The following FAM13B variants were observed in gnomAD, a reference collection of about 807,000 sequenced individuals.
FAM13B encodes family with sequence similarity 13 member B.
In FAM13B, 60 loss-of-function variants were observed where a neutral mutation model predicts 117.3. The ratio of observed to expected loss-of-function variants is 0.51; its 90% CI spans 0.42 to 0.63. The LOEUF (loss-of-function observed/expected upper bound fraction) is 0.63, where lower values mean the gene tolerates loss of function less well. Ranked by LOEUF, FAM13B falls within the 30% of genes least tolerant of loss-of-function variation. The pLI is 0.00. For missense variants in FAM13B, 972 were observed against 1,091.9 expected, an observed-to-expected ratio of 0.89 and a Z score of 1.55; for synonymous variants, 332 against 356.1, an observed-to-expected ratio of 0.93 and a Z score of 0.76.
In FAM13B at chr5:137,942,876, T is replaced by C. The variant is rs756883366; in HGVS notation, c.2587A>G (p.Met863Val). ...AAAATCACAAATCAGCATACATACA[T>C]AGAAGCTGCTCGAGAACTTGACAAT... Reference protein sequence around the residue: ...LRLSSSRAASMPELLEQLWKA... With the variant: ...LRLSSSRAASVPELLEQLWKA... The change falls in exon 22 of 24, where the codon ATG (methionine) becomes GTG (valine). Residue 863 changes from methionine to valine, a missense_variant and splice_region_variant. By Grantham distance (21) the Met-to-Val change is conservative. Coordinates refer to ENST00000689681, the MANE Select transcript of FAM13B (RefSeq NM_001385994.1). 4.4e-6 allele frequency: 7 copies of C among 1,603,774 alleles called. No individual in the cohort carries two copies. In the East Asian group the frequency reaches 8.9e-5, roughly 20 times the overall value.
intron 13 of FAM13B, among the ~76,000 whole-genome samples, chr5:137,958,010 G>A (rs1442921739): frequency 6.6e-6 from 1 of 152,160 alleles, no homozygotes; most frequent in East Asian, 1.9e-4. Context: ...AGGACTCCCA[G>A]GCCAAAGATC....
chr5:138,051,476 A>C (rs1185290124), intron 1 of FAM13B, among the ~76,000 whole-genome samples: 7 of 152,252 alleles, frequency 4.6e-5, no homozygotes, highest in Non-Finnish European at 1.0e-4. Context: ...ATTTTTAGCC[A>C]ATCTAATGAG....
intron 7 of FAM13B, among the ~76,000 whole-genome samples, chr5:137,994,930 A>G (rs1238923014): frequency 6.6e-6 from 1 of 152,216 alleles, no homozygotes; most frequent in African/African-American, 2.4e-5. Context: ...TAATTTCCCA[A>G]TTGTAAATAT....
At chr5:138,030,721 C>CA (rs886528054) in intron 1 of FAM13B, among the ~76,000 whole-genome samples, 2 of 142,390 alleles carry the variant, frequency 1.4e-5, no homozygotes, top group Non-Finnish European at 1.5e-5. Context: ...TCCCCCCCCC[C>CA]CAAAAAAAAA....
intron 1 of FAM13B, among the ~76,000 whole-genome samples, chr5:138,024,794 T>TAC (rs1364313823): frequency 4.4e-5 from 6 of 135,838 alleles, no homozygotes; most frequent in African/African-American, 1.7e-4. Flanking sequence ...GCAAAATTTA[T>TAC]ACACACACAC....
intron 1 of FAM13B, among the ~76,000 whole-genome samples, chr5:138,029,219 G>T (rs1789259147): frequency 6.6e-6 from 1 of 152,170 alleles, no homozygotes; most frequent in Non-Finnish European, 1.5e-5. Flanking sequence ...AGCTCAGAGA[G>T]CTGAAGAAAC....
At chr5:138,045,995 C>T (rs1449529774) in intron 1 of FAM13B, among the ~76,000 whole-genome samples, 1 of 152,058 alleles carries the variant, frequency 6.6e-6, no homozygotes, top group Non-Finnish European at 1.5e-5. Flanking sequence ...GCTGTGTCCC[C>T]ACCCAAATCT....
At chr5:137,969,364 C>T (rs1472278812) in intron 10 of FAM13B, among the ~76,000 whole-genome samples, 7 of 152,300 alleles carry the variant, frequency 4.6e-5, no homozygotes, top group East Asian at 3.9e-4. Context: ...ACACCTCACA[C>T]GGCCGGGTGC....
intron 6 of FAM13B, among the ~76,000 whole-genome samples, chr5:138,007,778 T>C (rs1317828479): frequency 6.6e-6 from 1 of 152,232 alleles, no homozygotes; most frequent in Non-Finnish European, 1.5e-5. Flanking sequence ...ACTGGCTACG[T>C]AGGTAATCAC....
At chr5:137,973,994 T>G (rs1163380085) in intron 10 of FAM13B, among the ~76,000 whole-genome samples, 1 of 139,106 alleles carries the variant, frequency 7.2e-6, no homozygotes, top group Non-Finnish European at 1.6e-5. Context: ...GGAACACTTT[T>G]ACACTGTTGG....
chr5:137,941,883 C>T (rs1183064213), intron 23 of FAM13B, 61 bp downstream of exon 23: 2 of 1,342,638 alleles, frequency 1.5e-6, no homozygotes, highest in South Asian at 2.4e-5. Context: ...ATTATTTCAA[C>T]ATATGGTCAG....
At chr5:138,036,895 T>G, upstream of FAM13B, 1 of 335,534 alleles carries the variant, frequency 3.0e-6, no homozygotes, top group South Asian at 2.4e-5. Flanking sequence ...ATCTGCTGAA[T>G]ACAGACATTT....
intron 20 of FAM13B, among the ~76,000 whole-genome samples, chr5:137,944,380 A>G (rs1343041804): frequency 6.6e-6 from 1 of 152,222 alleles, no homozygotes. Flanking sequence ...ACTATTCACA[A>G]TAGCAAAGTC....
Position 137,946,974 on chromosome 5 carries a change from A to G in FAM13B, c.2161-663T>C, listed in dbSNP as rs190547389. 2.7e-4 allele frequency among the ~76,000 whole-genome samples: 41 copies of G among 152,312 alleles called. 1 individual carries two copies. Among genetic ancestry groups the G allele is most frequent in the Admixed American group, 1.8e-3 (28 of 15,302 alleles). On this transcript the variant is annotated intron_variant, in intron 18 of 23. Transcript: ENST00000689681. ...GAGTTGGCACATTCTTTATACTGCA[A>G]TACTCTTCTCACAGCTTTTAGTAGT... is the stretch of plus-strand genomic sequence containing the variant.
chr5:138,042,199 C>G (rs1437107448), intron 1 of FAM13B, among the ~76,000 whole-genome samples: 1 of 152,120 alleles, frequency 6.6e-6, no homozygotes, highest in Non-Finnish European at 1.5e-5. Flanking sequence ...ACTACAGCTA[C>G]AAACAACAAT....
In FAM13B at chr5:138,027,544, T is replaced by C. The variant is rs746245614; in HGVS notation, c.-203+5238A>G. On this transcript the variant is annotated intron_variant, in intron 1 of 23. Transcript: ENST00000689681. ...CTCTTTCATTCTAACTGAACAAGTA[T>C]GGTACAACAAAAGTGGCAAATATGC... Among the ~76,000 whole-genome samples the C allele has an allele frequency of 2.6e-5, 4 of 152,224 alleles. No homozygotes were observed. The East Asian group carries it at 5.8e-4, about 22-fold the overall frequency.
At chr5:137,949,283 A>G (rs1764276776) in intron 17 of FAM13B, 99 bp from the exon 18 acceptor site, 3 of 854,806 alleles carry the variant, frequency 3.5e-6, no homozygotes, top group South Asian at 1.4e-5. Context: ...ATACATTAAC[A>G]GCACACAGAC....
intron 7 of FAM13B, among the ~76,000 whole-genome samples, chr5:137,997,199 G>A (rs962035459): frequency 1.3e-5 from 2 of 152,132 alleles, no homozygotes; most frequent in African/African-American, 4.8e-5. Context: ...GCCAGATGCC[G>A]TGGCTCACAC....
chr5:137,982,675 C>T (rs1180589838), intron 10 of FAM13B, among the ~76,000 whole-genome samples: 3 of 152,110 alleles, frequency 2.0e-5, no homozygotes, highest in Non-Finnish European at 4.4e-5. Context: ...ATTTATCATC[C>T]TCTTTGTCTA....
Sources: gnomAD v4.1 joint callset for allele counts (sites outside exome capture counted in the v4.1 genomes callset) on GRCh38, gnomAD v4.1.1 for gene constraint, MANE v1.5 for transcripts, NCBI Gene and HGNC (gene_info 2026-07-23, HGNC 2026-07-21) for gene names.